Variants in SGCD observed in about 807,000 individuals in gnomAD.
SGCD encodes delta-sarcoglycan.
SGCD carries 18 observed loss-of-function variants against 36.6 expected under a neutral mutation model. The ratio of observed to expected loss-of-function variants is 0.49; its 90% CI spans 0.34 to 0.73. SGCD has a LOEUF of 0.73. Ranked by LOEUF, SGCD falls within the 30% of genes least tolerant of loss-of-function variation. The pLI, the probability that SGCD is intolerant of heterozygous loss-of-function variation, is 0.01. For synonymous variants in SGCD, 133 were observed against 130.6 expected (o/e 1.02, Z -0.12); for missense variants, 387 against 346.7 (o/e 1.12, Z -0.92).
At chr5:156,025,195 A>G (rs1329550951) in intron 1 of SGCD, among the ~76,000 whole-genome samples, 1 of 152,116 alleles carries the variant, frequency 6.6e-6, no homozygotes, top group Non-Finnish European at 1.5e-5. Context: ...TGGTTCTACC[A>G]TTGTATCAGC....
chr5:155,772,717 C>A, the SGCD span, among the ~76,000 whole-genome samples: 8 of 152,080 alleles, frequency 5.3e-5, no homozygotes, highest in African/African-American at 1.9e-4. Flanking sequence ...GATTTTGTAA[C>A]TGGGTACCCC....
chr5:156,544,310 C>G (rs561419127), intron 4 of SGCD, among the ~76,000 whole-genome samples: 1 of 152,266 alleles, frequency 6.6e-6, no homozygotes, highest in Non-Finnish European at 1.5e-5. Context: ...TGGTGGATCA[C>G]TCAACCTACC....
chr5:156,084,868 A>G (rs1354888736), intron 1 of SGCD, among the ~76,000 whole-genome samples: 1 of 152,164 alleles, frequency 6.6e-6, no homozygotes, highest in Non-Finnish European at 1.5e-5. Context: ...ATTTCCCTCT[A>G]TCCTAACTTG....
At chr5:156,709,739 G>A (rs1445838025) in intron 7 of SGCD, among the ~76,000 whole-genome samples, 1 of 152,106 alleles carries the variant, frequency 6.6e-6, no homozygotes, top group Non-Finnish European at 1.5e-5. Context: ...ACGTGGGTTT[G>A]AAAAGAGCAG....
chr5:156,311,462 A>G (rs1767386719), intron 3 of SGCD, among the ~76,000 whole-genome samples: 1 of 152,220 alleles, frequency 6.6e-6, no homozygotes, highest in African/African-American at 2.4e-5. Context: ...TGATATGCAT[A>G]TATAGAAGTA....
chr5:156,608,742 T>C (rs1418275849), intron 6 of SGCD, among the ~76,000 whole-genome samples: 1 of 152,250 alleles, frequency 6.6e-6, no homozygotes, highest in East Asian at 1.9e-4. Context: ...ATTGGGTGCC[T>C]ATATATTTAG....
intron 3 of SGCD, among the ~76,000 whole-genome samples, chr5:156,493,557 A>G (rs1264306084): frequency 4.6e-5 from 7 of 152,096 alleles, no homozygotes. Context: ...GGATATCTGA[A>G]ACTTCTCAGA....
chr5:155,867,076 G>A (rs1329676603), upstream of SGCD, among the ~76,000 whole-genome samples: 1 of 152,176 alleles, frequency 6.6e-6, no homozygotes, highest in Admixed American at 6.5e-5. Flanking sequence ...GGAAAGGTGG[G>A]TGAGTTGATG....
chr5:156,005,692 C>T (rs553781979), intron 1 of SGCD, among the ~76,000 whole-genome samples: 22 of 152,286 alleles, frequency 1.4e-4, no homozygotes, highest in African/African-American at 5.3e-4. Context: ...CCTCATGATC[C>T]GCCCGCCTTG....
chr5:156,311,108 G>GA (rs1187296705), intron 3 of SGCD, among the ~76,000 whole-genome samples: 1 of 152,080 alleles, frequency 6.6e-6, no homozygotes, highest in Non-Finnish European at 1.5e-5. Flanking sequence ...AATTCAAGAT[G>GA]AAAAAAATGT....
At chr5:156,354,592 G>A (rs1769412621) in intron 3 of SGCD, among the ~76,000 whole-genome samples, 1 of 152,164 alleles carries the variant, frequency 6.6e-6, no homozygotes. Flanking sequence ...CTAGAATTGA[G>A]AGGAACAATG....
At chr5:156,471,078 T>C (rs1336193888) in intron 3 of SGCD, among the ~76,000 whole-genome samples, 1 of 152,174 alleles carries the variant, frequency 6.6e-6, no homozygotes, top group Non-Finnish European at 1.5e-5. Flanking sequence ...TGCTAGGCTA[T>C]AGGTAGTATT....
chr5:156,720,128 C>T (rs1360117256), intron 7 of SGCD, among the ~76,000 whole-genome samples: 2 of 152,178 alleles, frequency 1.3e-5, no homozygotes, highest in South Asian at 2.1e-4. Context: ...AAAGAGACCA[C>T]GTTTGTGTAC....
chr5:156,224,852 G>T (rs528556122), intron 3 of SGCD, among the ~76,000 whole-genome samples: 2 of 152,156 alleles, frequency 1.3e-5, no homozygotes, highest in African/African-American at 4.8e-5. Flanking sequence ...TTCAAAATAT[G>T]TAGGAAAATA....
At chr5:156,584,973 G>T (rs931913533) in intron 4 of SGCD, among the ~76,000 whole-genome samples, 7 of 152,286 alleles carry the variant, frequency 4.6e-5, no homozygotes, top group Non-Finnish European at 7.4e-5. Flanking sequence ...AATATGTGGG[G>T]CACTAGAAAA....
At chr5:156,431,851 G>T (rs554172441) in intron 3 of SGCD, among the ~76,000 whole-genome samples, 1 of 152,120 alleles carries the variant, frequency 6.6e-6, no homozygotes, top group African/African-American at 2.4e-5. Context: ...GAGTAGCTGG[G>T]ATTACAGGCA....
chr5:156,186,140 A>C (rs368365133), intron 3 of SGCD, among the ~76,000 whole-genome samples: 33 of 152,102 alleles, frequency 2.2e-4, no homozygotes, highest in Middle Eastern at 6.8e-3. Flanking sequence ...TTAATTTACA[A>C]AAACCTGTTG....
rs967998572 is a variant in SGCD at position 155,936,660 on chromosome 5, C to G, written c.-282+66236C>G. 2.0e-5 allele frequency among the ~76,000 whole-genome samples: 3 copies of G among 152,252 alleles called. 1 individual carries two copies. Among genetic ancestry groups the G allele is most frequent in the Admixed American group, 6.5e-5 (1 of 15,292 alleles). The stretch of plus-strand genomic sequence containing the variant: ...AGAAAAAGCACCACAAGTTCCCACT[C>G]TGGTCCACGGAACTGGCAGTCCGGC... On this transcript the variant is annotated intron_variant, in intron 1 of 9. Coordinates refer to the SGCD transcript ENST00000517913.
the SGCD span, among the ~76,000 whole-genome samples, chr5:155,861,511 A>G: frequency 5.5e-4 from 83 of 152,180 alleles, no homozygotes; most frequent in Non-Finnish European, 8.4e-4. Context: ...AAAAAGAAAG[A>G]GATCGAGACC....
Sources: gnomAD v4.1 joint callset for allele counts (sites outside exome capture counted in the v4.1 genomes callset) on GRCh38, gnomAD v4.1.1 for gene constraint, MANE v1.5 for transcripts, NCBI Gene and HGNC (gene_info 2026-07-23, HGNC 2026-07-21) for gene names.